TMUB2: variants seen among roughly 807,000 people sequenced by gnomAD.
TMUB2 encodes the protein transmembrane and ubiquitin like domain containing 2.
In TMUB2, 19 loss-of-function variants were observed where a neutral mutation model predicts 20.2. The ratio of observed to expected loss-of-function variants is 0.94; its 90% CI spans 0.66 to 1.38. TMUB2 has a LOEUF of 1.38. Among genes scored for constraint, TMUB2 ranks in the 40% most tolerant of loss-of-function variants. The pLI, the probability that TMUB2 is intolerant of heterozygous loss-of-function variation, is 0.00. For synonymous variants in TMUB2, 186 were observed against 166.0 expected (o/e 1.12, Z -0.92); for missense variants, 426 against 402.5 (o/e 1.06, Z -0.50).
chr17:44,189,130 C>G lies in TMUB2; in HGVS notation c.144C>G (p.Ala48=), dbSNP rs1207810331. The part of the protein sequence containing the change: ...VVAGVVVLIL[A]LVLAWLSTYV... Reference sequence around the variant, plus strand: ...CAGGTGTGGTGGTGCTGATTCTAGCCTTGGTCCTAGCTTGGCTCTCTACCT... The same window carrying G: ...CAGGTGTGGTGGTGCTGATTCTAGCGTTGGTCCTAGCTTGGCTCTCTACCT... Residue 48 remains alanine (A), a synonymous_variant, in exon 3 of 4, where the codon GCC becomes GCG. Transcript: ENST00000538716. 2 of 1,614,062 alleles carry G rather than the reference C, an allele frequency of 1.2e-6. No individual in the cohort carries two copies. The highest frequency in any genetic ancestry group is 4.5e-5 in the East Asian group (2 of 44,874).
At position 44,187,691 on chromosome 17, in the gene TMUB2, G is replaced by C. The variant is rs753798146; in HGVS notation, c.-18G>C. ...CAATTTGCAGTGTGCCAGGCACTGT[G>C]CCAAGTATTTTGCTTCGATGATTTC... On this transcript the variant is annotated 5_prime_UTR_variant, in exon 2 of 4. Coordinates refer to ENST00000538716, the MANE Select transcript of TMUB2 (RefSeq NM_001076674.3). 4.7e-4 allele frequency: 337 copies of C among 718,592 alleles called. 3 individuals carry two copies. In the South Asian group the frequency reaches 4.8e-3, roughly 10 times the overall value. The allele number at this position is 718,592 out of a possible 1,614,324, so 44.5% of individuals were successfully genotyped here.
In TMUB2 at chr17:44,189,480, C is replaced by T. The variant is rs374971650; in HGVS notation, c.494C>T (p.Thr165Ile). ...GCCCCCCTGAGATCTGAGGATAGCACCTGCCTCCCTCCCAGCCCTGGCCTC... is the reference window on the plus strand; with the variant it reads ...GCCCCCCTGAGATCTGAGGATAGCATCTGCCTCCCTCCCAGCCCTGGCCTC... ...PEAPLRSEDS[T>I]CLPPSPGLIT... Residue 165 changes from threonine (T) to isoleucine (I), a missense_variant, in exon 3 of 4, where the codon ACC (threonine) becomes ATC (isoleucine). Transcript: ENST00000538716. 2.5e-6 allele frequency: 4 copies of T among 1,614,070 alleles called. No homozygotes were observed. The highest frequency in any genetic ancestry group is 2.7e-5 in the African/African-American group (2 of 75,036).
chr17:44,191,621 T>C lies in TMUB2; in HGVS notation c.*757T>C. 1 of 985,872 alleles carries C rather than the reference T, an allele frequency of 1.0e-6. No homozygotes were observed. Among genetic ancestry groups the C allele is most frequent in the Non-Finnish European group, 1.2e-6 (1 of 829,944 alleles). The allele number at this position is 985,872 out of a possible 1,614,324, so 61.1% of individuals were successfully genotyped here. ...CTGGCCCTTGGCCAGCGTCCTACCC[T>C]GCCCAACTCCAAGGACTGGGTATGG... On this transcript the variant is annotated 3_prime_UTR_variant, in exon 4 of 4. Coordinates refer to ENST00000538716, the MANE Select transcript of TMUB2 (RefSeq NM_001076674.3).
chr17:44,188,962 C>T (rs1287416441), intron 2 of TMUB2, 60 bp from the exon 3 acceptor site: 1 of 1,504,600 alleles, frequency 6.6e-7, no homozygotes, highest in Non-Finnish European at 8.9e-7. Flanking sequence ...CCTAAACAAA[C>T]TAGAGACCTG....
In TMUB2 at chr17:44,189,598, CTGGGAAG is replaced by C. The variant is rs779761151; in HGVS notation, c.602+18_602+24del. 1 of 1,553,234 alleles carries C rather than the reference CTGGGAAG, an allele frequency of 6.4e-7. No homozygotes were observed. The highest frequency in any genetic ancestry group is 1.4e-5 in the African/African-American group (1 of 73,152). ...TGGGTGCCCTGAAGAGGTGAGTGGC[CTGGGAAG>C]TGGGAAGCTGCTTGTGCTCATCCCC... On this transcript the variant is annotated intron_variant, in intron 3 of 3. Coordinates refer to ENST00000538716, the MANE Select transcript of TMUB2 (RefSeq NM_001076674.3).
In TMUB2 at chr17:44,189,046, C is replaced by T; in HGVS notation, c.60C>T (p.Ala20=). ...GCGTGGACCCTGCCAGCAGCCAGGC[C>T]ATGGAGCTCTCTGATGTCACCCTCA... is the stretch of plus-strand genomic sequence containing the variant. ...LMSVDPASSQ[A]MELSDVTLIE... Residue 20 remains alanine, a synonymous_variant, in exon 3 of 4, where the codon GCC becomes GCT. Transcript: ENST00000538716. 1 of 1,613,694 alleles carries T rather than the reference C, an allele frequency of 6.2e-7. No homozygotes were observed.
In TMUB2 at chr17:44,190,684, G is replaced by A. The variant is rs72822681; in HGVS notation, c.786G>A (p.Glu262=). 1,467 of 1,614,218 alleles carry A rather than the reference G, an allele frequency of 9.1e-4. 1 individual carries two copies. The highest frequency in any genetic ancestry group is 1.2e-3 in the Non-Finnish European group (1,382 of 1,180,042). ...PSASLAPSAT[E]PPSLGVNVGS... is the part of the protein sequence containing the mutation. The stretch of plus-strand genomic sequence containing the variant: ...CCTCCTTGGCCCCCTCGGCCACTGA[G>A]CCACCCAGCCTTGGTGTCAATGTGG... Residue 262 remains glutamate (E), a synonymous_variant, in exon 4 of 4, where the codon GAG becomes GAA. Transcript: ENST00000538716.
At position 44,191,438 on chromosome 17, in the gene TMUB2, C is replaced by G; in HGVS notation, c.*574C>G. On this transcript the variant is annotated 3_prime_UTR_variant, in exon 4 of 4. Coordinates refer to ENST00000538716, the MANE Select transcript of TMUB2 (RefSeq NM_001076674.3). Reference sequence around the variant, plus strand: ...AGGAATAGGGTGTCCTCCCTTCTTTCAAAGCACTTTGCTTGCATTTTATTT... The same window carrying G: ...AGGAATAGGGTGTCCTCCCTTCTTTGAAAGCACTTTGCTTGCATTTTATTT... 2.0e-6 allele frequency: 2 copies of G among 986,030 alleles called. No individual in the cohort carries two copies. The highest frequency in any genetic ancestry group is 2.4e-6 in the Non-Finnish European group (2 of 830,056). The allele number at this position is 986,030 out of a possible 1,614,324, so 61.1% of individuals were successfully genotyped here.
Position 44,191,078 on chromosome 17 carries a change from TGAG to T in TMUB2, c.*217_*219del. 1 of 1,350,012 alleles carries T rather than the reference TGAG, an allele frequency of 7.4e-7. No homozygotes were observed. The allele number at this position is 1,350,012 out of a possible 1,614,324, so 83.6% of individuals were successfully genotyped here. ...CGTGCGAGCACAACTCAGGTAGAAA[TGAG>T]GATGTCATCTTCCTTCACTTTTAGG... On this transcript the variant is annotated 3_prime_UTR_variant, in exon 4 of 4. Transcript: ENST00000538716.
chr17:44,191,347 G>C lies in TMUB2; in HGVS notation c.*483G>C. 1 of 989,108 alleles carries C rather than the reference G, an allele frequency of 1.0e-6. No homozygotes were observed. The highest frequency in any genetic ancestry group is 4.6e-5 in the South Asian group (1 of 21,540). The allele number at this position is 989,108 out of a possible 1,614,324, so 61.3% of individuals were successfully genotyped here. A position where few individuals can be genotyped will look rare whatever the true frequency, so the allele number is the denominator to read the frequency against. ...AGACTGAAATCACACTGGCGGGAATGAAGATTGTGCCAGCCTTCTCTTATG... is the reference window on the plus strand; with the variant it reads ...AGACTGAAATCACACTGGCGGGAATCAAGATTGTGCCAGCCTTCTCTTATG... On this transcript the variant is annotated 3_prime_UTR_variant, in exon 4 of 4. Transcript: ENST00000538716.
Position 44,191,831 on chromosome 17 carries a change from C to T in TMUB2, c.*967C>T, listed in dbSNP as rs776846289. 6 of 689,682 alleles carry T rather than the reference C, an allele frequency of 8.7e-6. No individual in the cohort carries two copies. Among genetic ancestry groups the T allele is most frequent in the Non-Finnish European group, 1.1e-5 (6 of 560,114 alleles). The allele number at this position is 689,682 out of a possible 1,614,324, so 42.7% of individuals were successfully genotyped here. On this transcript the variant is annotated 3_prime_UTR_variant, in exon 4 of 4. Transcript: ENST00000538716. ...ACCAACGGGAGATGCAGTTTATTTA[C>T]ACCAGCAGCCATGGGGGCAGAGGGA... is the stretch of plus-strand genomic sequence containing the variant.
rs1567743289 is a variant in TMUB2, at chr17:44,187,719, GTCA to G, written c.14_16del (p.His5del). 1.4e-6 allele frequency: 1 copy of G among 718,582 alleles called. No homozygotes were observed. Among genetic ancestry groups the G allele is most frequent in the East Asian group, 2.7e-5 (1 of 37,300 alleles). 44.5% of individuals were successfully genotyped at this position (718,582 alleles called of 1,614,324 possible). A position where few individuals can be genotyped will look rare whatever the true frequency, so the allele number is the denominator to read the frequency against. ...AAGTATTTTGCTTCGATGATTTCAC[GTCA>G]TCTTCAAAACAACCTCATGAGGTAG... On this transcript the variant is annotated inframe_deletion, in exon 2 of 4. Coordinates refer to ENST00000538716, the MANE Select transcript of TMUB2 (RefSeq NM_001076674.3).
At chr17:44,188,614 T>C (rs1400762504) in intron 2 of TMUB2, among the ~76,000 whole-genome samples, 2 of 152,130 alleles carry the variant, frequency 1.3e-5, no homozygotes, top group African/African-American at 4.8e-5. Context: ...TGAAGCCACT[T>C]TGGAGGCTGC....
rs1460306959 is a variant in TMUB2 at position 44,189,226 on chromosome 17, C to T, written c.240C>T (p.His80=). 2 of 1,613,440 alleles carry T rather than the reference C, an allele frequency of 1.2e-6. No individual in the cohort carries two copies. Among genetic ancestry groups the T allele is most frequent in the Non-Finnish European group, 1.7e-6 (2 of 1,179,516 alleles). The change falls in exon 3 of 4, where the codon CAC becomes CAT. Residue 80 remains histidine, a synonymous_variant. Transcript: ENST00000538716. ...IVSAGDTSVL[H]LGHVDHLVAG... ...CAGCAGGCGACACATCCGTCCTCCACCTGGGGCATGTGGACCACCTGGTGG... is the reference window on the plus strand; with the variant it reads ...CAGCAGGCGACACATCCGTCCTCCATCTGGGGCATGTGGACCACCTGGTGG...
At position 44,191,774 on chromosome 17, in the gene TMUB2, A is replaced by G. The variant is rs1388347526; in HGVS notation, c.*910A>G. On this transcript the variant is annotated 3_prime_UTR_variant, in exon 4 of 4. Transcript: ENST00000538716. ...AGAATGGCTTTGCGCTGCCCCCAGG[A>G]AAATGGTAATGAGAGTAGGTAGGCC... 1.0e-6 allele frequency: 1 copy of G among 982,786 alleles called. No homozygotes were observed. Among genetic ancestry groups the G allele is most frequent in the Non-Finnish European group, 1.2e-6 (1 of 827,226 alleles). The allele number at this position is 982,786 out of a possible 1,614,324, so 60.9% of individuals were successfully genotyped here.
Position 44,189,374 on chromosome 17 carries a change from G to A in TMUB2, c.388G>A (p.Val130Ile), listed in dbSNP as rs1224343057. ...STGEAGAGGG[V>I]EPSLEHLLDI... ...TGGGGAGGCTGGAGCTGGGGGTGGT[G>A]TTGAGCCCAGCCTTGAGCATCTCCT... The change falls in exon 3 of 4, where the codon GTT becomes ATT. Residue 130 changes from valine (V) to isoleucine (I), a missense_variant. Val to Ile is a conservative substitution (Grantham distance 29, BLOSUM62 3). Coordinates refer to ENST00000538716, the MANE Select transcript of TMUB2 (RefSeq NM_001076674.3). 1.2e-6 allele frequency: 2 copies of A among 1,611,126 alleles called. No homozygotes were observed. The highest frequency in any genetic ancestry group is 1.7e-5 in the Admixed American group (1 of 59,844).
chr17:44,189,749 G>T, intron 3 of TMUB2, 161 bp downstream of exon 3: 1 of 647,840 alleles, frequency 1.5e-6, no homozygotes, highest in Non-Finnish European at 2.4e-6. Context: ...TTCAGGCCGG[G>T]TGCAGTGGCT....
At chr17:44,190,123 G>C (rs765496906) in intron 3 of TMUB2, 52 of 182,780 alleles carry the variant, frequency 2.8e-4, no homozygotes, top group Non-Finnish European at 5.1e-4. Context: ...AAGGCGGGCA[G>C]ATCACAAGGT....
Position 44,190,857 on chromosome 17 carries a change from G to A in TMUB2, c.959G>A (p.Gly320Glu), listed in dbSNP as rs753215788. Reference sequence around the variant, plus strand: ...AGCTTCCTAGTATTTGGGATGTATGGACGATAAGGACATAGGAAGAAAATG... The same window carrying A: ...AGCTTCCTAGTATTTGGGATGTATGAACGATAAGGACATAGGAAGAAAATG... ...FFSFLVFGMY[G>E]R The change falls in exon 4 of 4, where the codon GGA becomes GAA. Residue 320 changes from glycine (G) to glutamate (E), a missense_variant. Coordinates refer to ENST00000538716, the MANE Select transcript of TMUB2 (RefSeq NM_001076674.3). The A allele has an allele frequency of 1.2e-6, 2 of 1,608,880 alleles. No homozygotes were observed. Among genetic ancestry groups the A allele is most frequent in the South Asian group, 2.2e-5 (2 of 90,402 alleles).
Sources: allele counts gnomAD v4.1 joint callset (sites outside exome capture counted in the v4.1 genomes callset), GRCh38; gene constraint gnomAD v4.1.1; transcripts MANE v1.5; gene names NCBI Gene and HGNC (gene_info 2026-07-23, HGNC 2026-07-21).